Variants in VTI1B observed in about 807,000 individuals in gnomAD.
VTI1B encodes vesicle transport through interaction with t-SNAREs homolog 1B.
Under a neutral mutation model 28.6 loss-of-function variants are expected in VTI1B, and 18 were observed. The ratio of observed to expected loss-of-function variants is 0.63; its 90% CI spans 0.43 to 0.93. VTI1B has a LOEUF of 0.93. Ranked by LOEUF, VTI1B falls within the 40% of genes least tolerant of loss-of-function variation. VTI1B has a pLI of 0.00. For missense variants in VTI1B, 283 were observed against 297.0 expected (o/e 0.95, Z 0.35); for synonymous variants, 100 against 107.9 (o/e 0.93, Z 0.46).
intron 1 of VTI1B, among the ~76,000 whole-genome samples, chr14:67,667,298 T>G (rs759790196): frequency 4.6e-5 from 7 of 152,198 alleles, no homozygotes; most frequent in Non-Finnish European, 8.8e-5. Context: ...AACTTCAGTT[T>G]CACCAGCTCA....
chr14:67,664,795 G>A (rs1286094850), intron 1 of VTI1B, among the ~76,000 whole-genome samples: 1 of 152,200 alleles, frequency 6.6e-6, no homozygotes, highest in African/African-American at 2.4e-5. Context: ...GGCTTATGGA[G>A]AAATGGCATG....
intron 3 of VTI1B, among the ~76,000 whole-genome samples, chr14:67,657,447 T>C (rs936756928): frequency 6.6e-6 from 1 of 152,130 alleles, no homozygotes; most frequent in Non-Finnish European, 1.5e-5. Flanking sequence ...TGCCCTAATT[T>C]TCTAAATCCC....
At chr14:67,663,445 G>A (rs985891590) in intron 1 of VTI1B, among the ~76,000 whole-genome samples, 20 of 151,996 alleles carry the variant, frequency 1.3e-4, no homozygotes, top group South Asian at 2.1e-4. Flanking sequence ...AGGCCGAGGC[G>A]GGCGGATCAT....
intron 3 of VTI1B, 88 bp downstream of exon 3, chr14:67,659,643 T>C: frequency 7.5e-7 from 1 of 1,336,780 alleles, no homozygotes; most frequent in Non-Finnish European, 1.0e-6. Context: ...TATACACTGA[T>C]AACATGAAAT....
At chr14:67,673,798 T>C (rs1427225472) in intron 1 of VTI1B, among the ~76,000 whole-genome samples, 1 of 152,158 alleles carries the variant, frequency 6.6e-6, no homozygotes. Flanking sequence ...CAGACAGAAC[T>C]TGTAGCAACC....
intron 1 of VTI1B, among the ~76,000 whole-genome samples, chr14:67,667,123 G>A (rs1373676836): frequency 2.6e-5 from 4 of 152,106 alleles, no homozygotes; most frequent in Non-Finnish European, 5.9e-5. Flanking sequence ...TGGGAAACTG[G>A]GTGGATGCTG....
intron 1 of VTI1B, among the ~76,000 whole-genome samples, chr14:67,663,626 A>T (rs1329021498): frequency 2.0e-5 from 3 of 152,200 alleles, no homozygotes; most frequent in Non-Finnish European, 4.4e-5. Flanking sequence ...GTGAGCCAAG[A>T]TTGTGCCACT....
intron 2 of VTI1B, among the ~76,000 whole-genome samples, chr14:67,661,277 G>C (rs1374465914): frequency 5.5e-5 from 1 of 18,342 alleles, no homozygotes; most frequent in Non-Finnish European, 1.5e-4. Flanking sequence ...TAGGGCTAGA[G>C]CAAAAAAAAA....
chr14:67,653,325 T>C (rs986219315), intron 5 of VTI1B, 112 bp downstream of exon 5: 5 of 809,810 alleles, frequency 6.2e-6, no homozygotes, highest in African/African-American at 1.7e-5. Context: ...ATACAGGGAC[T>C]ATGCGTCAAC....
intron 1 of VTI1B, among the ~76,000 whole-genome samples, chr14:67,663,477 T>A (rs936486454): frequency 2.0e-4 from 30 of 151,810 alleles, no homozygotes; most frequent in Non-Finnish European, 4.4e-4. Flanking sequence ...ATCGAGACCA[T>A]CCTGCCTAAC....
rs149005592 is a variant in VTI1B at position 67,650,435 on chromosome 14, C to T, written c.*950G>A. The stretch of plus-strand genomic sequence containing the variant: ...CCCAACACCAAGCCTTTTCCTTTTC[C>T]AGAACGCCTGACAATTATGCCTGTT... On this transcript the variant is annotated 3_prime_UTR_variant, in exon 6 of 6. Transcript: ENST00000554659. The T allele has an allele frequency of 8.3e-3, 3,409 of 408,616 alleles. 24 individuals carry two copies. The highest frequency in any genetic ancestry group is 0.011 in the Non-Finnish European group (2,559 of 224,828). 25.3% of individuals were successfully genotyped at this position (408,616 alleles called of 1,614,324 possible). A position where few individuals can be genotyped will look rare whatever the true frequency, so the allele number is the denominator to read the frequency against.
At chr14:67,661,964 G>T (rs1231323845) in intron 2 of VTI1B, among the ~76,000 whole-genome samples, 2 of 151,886 alleles carry the variant, frequency 1.3e-5, no homozygotes, top group East Asian at 3.9e-4. Flanking sequence ...AGACCATCCT[G>T]GCTAACACGG....
intron 1 of VTI1B, among the ~76,000 whole-genome samples, chr14:67,665,098 C>G (rs893918080): frequency 6.6e-6 from 1 of 152,162 alleles, no homozygotes; most frequent in Non-Finnish European, 1.5e-5. Flanking sequence ...TGTGGTCCAC[C>G]CATCTCGGCC....
intron 4 of VTI1B, 97 bp downstream of exon 4, chr14:67,656,319 C>G: frequency 8.7e-7 from 1 of 1,147,228 alleles, no homozygotes; most frequent in Non-Finnish European, 1.2e-6. Flanking sequence ...TCCCTGAATA[C>G]AGAACTGCTG....
intron 4 of VTI1B, among the ~76,000 whole-genome samples, chr14:67,655,506 T>C (rs184463523): frequency 6.6e-6 from 1 of 152,098 alleles, no homozygotes; most frequent in Non-Finnish European, 1.5e-5. Flanking sequence ...GGATAATCCT[T>C]AGACATTTTT....
chr14:67,661,478 T>C (rs2037333985), intron 2 of VTI1B, among the ~76,000 whole-genome samples: 1 of 150,870 alleles, frequency 6.6e-6, no homozygotes, highest in African/African-American at 2.4e-5. Context: ...TGGTTAGAAT[T>C]ACCTCTAAAC....
chr14:67,672,770 C>T (rs577126135), intron 1 of VTI1B, among the ~76,000 whole-genome samples: 2 of 152,242 alleles, frequency 1.3e-5, no homozygotes, highest in Admixed American at 6.5e-5. Context: ...TCACATAAAT[C>T]AGATCCCACA....
chr14:67,648,350 C>G lies in VTI1B; in HGVS notation c.*3035G>C. 1 of 656,820 alleles carries G rather than the reference C, an allele frequency of 1.5e-6. No individual in the cohort carries two copies. Among genetic ancestry groups the G allele is most frequent in the Non-Finnish European group, 2.4e-6 (1 of 422,620 alleles). 40.7% of individuals were successfully genotyped at this position (656,820 alleles called of 1,614,324 possible). ...GCCATGCTAATAAAAAGGATATAGT[C>G]CTTTAGAGTCATGCTTGGACATGGC... is the stretch of plus-strand genomic sequence containing the variant. On this transcript the variant is annotated 3_prime_UTR_variant, in exon 6 of 6. Coordinates refer to ENST00000554659, the MANE Select transcript of VTI1B (RefSeq NM_006370.3).
Position 67,656,577 on chromosome 14 carries a change from A to C in VTI1B, c.379T>G (p.Ser127Ala). The part of the protein sequence containing the change: ...VENEHMNRLQ[S>A]QRAMLLQGTE... ...CCCTGCAGAAGCATTGCCCTTTGAG[A>C]CTGTAGCCGATTCTGAAAGAAGTAT... The change falls in exon 4 of 6, where the codon TCT (serine) becomes GCT (alanine). Residue 127 changes from serine (S) to alanine (A), a missense_variant. Coordinates refer to ENST00000554659, the MANE Select transcript of VTI1B (RefSeq NM_006370.3). 1 of 1,601,210 alleles carries C rather than the reference A, an allele frequency of 6.2e-7. No individual in the cohort carries two copies. Among genetic ancestry groups the C allele is most frequent in the Non-Finnish European group, 8.5e-7 (1 of 1,175,078 alleles).
Sources: allele counts gnomAD v4.1 joint callset (sites outside exome capture counted in the v4.1 genomes callset), GRCh38; gene constraint gnomAD v4.1.1; transcripts MANE v1.5; gene names NCBI Gene and HGNC (gene_info 2026-07-23, HGNC 2026-07-21).